The following XKR9 variants were observed in gnomAD, a reference collection of about 807,000 sequenced individuals.
XKR9 encodes XK related 9, also known as XK-related protein 9.
XKR9 carries 32 observed loss-of-function variants against 32.0 expected under a neutral mutation model. That is an observed-to-expected ratio of 1.00 (90% CI 0.76 to 1.34). The LOEUF (loss-of-function observed/expected upper bound fraction) is 1.34. XKR9 is among the 40% of genes most tolerant of loss of function. The pLI, the probability that XKR9 is intolerant of heterozygous loss-of-function variation, is 0.00. For missense variants in XKR9, 546 were observed against 429.7 expected (o/e 1.27, Z -2.39); for synonymous variants, 168 against 143.4 (o/e 1.17, Z -1.22).
At chr8:70,961,056 G>C in the XKR9 span, among the ~76,000 whole-genome samples, 2 of 152,114 alleles carry the variant, frequency 1.3e-5, no homozygotes, top group African/African-American at 4.8e-5. Context: ...TGTAATCCCA[G>C]CTACTTGGAA....
chr8:71,021,747 C>T, the XKR9 span, among the ~76,000 whole-genome samples: 12 of 152,000 alleles, frequency 7.9e-5, no homozygotes, highest in East Asian at 5.8e-4. Flanking sequence ...GTGATCCGCC[C>T]GTCTCGGCCT....
chr8:70,696,586 C>G (rs995153039), intron 3 of XKR9, among the ~76,000 whole-genome samples: 11 of 148,272 alleles, frequency 7.4e-5, no homozygotes, highest in African/African-American at 2.2e-4. Flanking sequence ...GTTACTGTAG[C>G]CTTGTAGTAT....
chr8:70,723,899 T>G lies in XKR9; in HGVS notation c.494-9897T>G, dbSNP rs538698159. Among the ~76,000 whole-genome samples the G allele has an allele frequency of 2.0e-3, 301 of 151,664 alleles. 2 individuals carry two copies. Among genetic ancestry groups the G allele is most frequent in the African/African-American group, 7.0e-3 (290 of 41,362 alleles). The stretch of plus-strand genomic sequence containing the variant: ...CAGTAGGTGGGAACTTTTTTTTTTT[T>G]TTTTGAGACGGAGTGTCGCTCTGTG... On this transcript the variant is annotated intron_variant, in intron 4 of 4. Transcript: ENST00000408926.
chr8:70,980,405 C>T, the XKR9 span, among the ~76,000 whole-genome samples: 1 of 152,186 alleles, frequency 6.6e-6, no homozygotes, highest in African/African-American at 2.4e-5. Context: ...ACCACCTCTC[C>T]CTACTGTTGC....
At chr8:70,713,197 A>T (rs1805977942) in intron 4 of XKR9, among the ~76,000 whole-genome samples, 1 of 152,186 alleles carries the variant, frequency 6.6e-6, no homozygotes, top group South Asian at 2.1e-4. Flanking sequence ...TAGACAATGA[A>T]TGAGTTACTG....
chr8:71,009,706 T>G, the XKR9 span, among the ~76,000 whole-genome samples: 1 of 152,164 alleles, frequency 6.6e-6, no homozygotes, highest in Non-Finnish European at 1.5e-5. Flanking sequence ...TCATGGTGAC[T>G]CTGGCTCATT....
the XKR9 span, among the ~76,000 whole-genome samples, chr8:71,049,954 G>A: frequency 1.3e-5 from 2 of 152,070 alleles, no homozygotes; most frequent in African/African-American, 4.8e-5. Flanking sequence ...TGACTGAAAG[G>A]TTGGGTCAAA....
the XKR9 span, among the ~76,000 whole-genome samples, chr8:70,943,947 A>G: frequency 2.0e-5 from 3 of 152,124 alleles, no homozygotes; most frequent in East Asian, 5.8e-4. Flanking sequence ...AGCACATGTG[A>G]ATATTTTTAA....
At chr8:70,748,171 C>G (rs904780220) in intron 2 of XKR9, among the ~76,000 whole-genome samples, 1 of 152,172 alleles carries the variant, frequency 6.6e-6, no homozygotes, top group Non-Finnish European at 1.5e-5. Context: ...TGGGTTGCAG[C>G]GGGGGAGGTG....
At chr8:70,871,886 G>A in the XKR9 span, among the ~76,000 whole-genome samples, 1 of 152,142 alleles carries the variant, frequency 6.6e-6, no homozygotes, top group South Asian at 2.1e-4. Flanking sequence ...TGCAAAGAAA[G>A]TTCTAGTTCC....
At chr8:70,807,640 C>A in the XKR9 span, among the ~76,000 whole-genome samples, 1 of 151,830 alleles carries the variant, frequency 6.6e-6, no homozygotes, top group Non-Finnish European at 1.5e-5. Flanking sequence ...AGACTTTCAA[C>A]CAACAAAGAT....
intron 2 of XKR9, among the ~76,000 whole-genome samples, chr8:70,753,792 A>G (rs1038594714): frequency 3.3e-5 from 5 of 150,324 alleles, no homozygotes; most frequent in African/African-American, 7.3e-5. Flanking sequence ...ATCTATGACA[A>G]ACCCACAGCC....
chr8:70,906,084 A>C, the XKR9 span, among the ~76,000 whole-genome samples: 2 of 152,348 alleles, frequency 1.3e-5, no homozygotes, highest in African/African-American at 4.8e-5. Flanking sequence ...TCAGGGACCC[A>C]CTTGAGAAGG....
intron 4 of XKR9, among the ~76,000 whole-genome samples, chr8:70,712,721 C>T (rs1805960830): frequency 6.6e-6 from 1 of 152,054 alleles, no homozygotes; most frequent in South Asian, 2.1e-4. Context: ...AAAATAACTC[C>T]CCCTGCAAAA....
intron 3 of XKR9, among the ~76,000 whole-genome samples, chr8:70,684,808 C>T (rs553601694): frequency 1.4e-3 from 208 of 147,256 alleles, no homozygotes; most frequent in Non-Finnish European, 2.2e-3. Flanking sequence ...CCATCTCACA[C>T]CAGTTAGAAT....
the XKR9 span, among the ~76,000 whole-genome samples, chr8:70,813,179 A>G: frequency 5.9e-5 from 9 of 152,222 alleles, no homozygotes; most frequent in African/African-American, 2.2e-4. Flanking sequence ...CTTGACAAAA[A>G]CAAGCAATGG....
At chr8:70,956,366 C>T in the XKR9 span, among the ~76,000 whole-genome samples, 1 of 152,134 alleles carries the variant, frequency 6.6e-6, no homozygotes, top group Admixed American at 6.5e-5. Context: ...TTTTTATGTC[C>T]TCAAAATGGA....
chr8:70,681,730 C>T (rs1279158065), intron 3 of XKR9, among the ~76,000 whole-genome samples: 6 of 151,948 alleles, frequency 3.9e-5, no homozygotes, highest in Admixed American at 3.3e-4. Context: ...ATTTTTGCTG[C>T]AATAATGCAG....
intron 4 of XKR9, among the ~76,000 whole-genome samples, chr8:70,713,826 G>GA (rs1365734759): frequency 6.6e-6 from 1 of 151,992 alleles, no homozygotes. Context: ...CCCTATTTAA[G>GA]AAAAATAACA....
Sources: allele counts gnomAD v4.1 joint callset (sites outside exome capture counted in the v4.1 genomes callset), GRCh38; gene constraint gnomAD v4.1.1; transcripts MANE v1.5; gene names NCBI Gene and HGNC (gene_info 2026-07-23, HGNC 2026-07-21).